The following SLC3A1 variants were observed in gnomAD, a reference collection of about 807,000 sequenced individuals.
The protein encoded by SLC3A1 is solute carrier family 3 member 1.
A neutral mutation model predicts 60.3 loss-of-function variants in SLC3A1; 78 were observed. The ratio of observed to expected loss-of-function variants is 1.29; its 90% CI spans 1.08 to 1.56. SLC3A1 has a LOEUF of 1.56. Among genes scored for constraint, SLC3A1 ranks in the 40% most tolerant of loss-of-function variants. The pLI is 0.00. For synonymous variants in SLC3A1, 392 were observed against 307.9 expected (o/e 1.27, Z -2.86); for missense variants, 1,172 against 858.9 (o/e 1.36, Z -4.56).
intron 1 of SLC3A1, 119 bp downstream of exon 1, chr2:44,276,084 T>A: frequency 2.3e-6 from 2 of 865,894 alleles, no homozygotes; most frequent in East Asian, 5.0e-5. Flanking sequence ...TTATGACTGG[T>A]CATGCCAAGT....
Position 44,287,234 on chromosome 2 carries a change from C to T in SLC3A1, c.891+1077C>T, listed in dbSNP as rs554107814. On this transcript the variant is annotated intron_variant, in intron 4 of 9. Transcript: ENST00000260649. ...GGTGAATGCCAAGGGGAAGGGGCAT[C>T]GGAGTGTCAGGTAGAAGTGGCTCTT... 3.2e-4 allele frequency among the ~76,000 whole-genome samples: 48 copies of T among 152,048 alleles called. No homozygotes were observed. In the Middle Eastern group the frequency reaches 0.01, roughly 32 times the overall value.
At chr2:44,297,146 T>A (rs1387315887) in intron 4 of SLC3A1, among the ~76,000 whole-genome samples, 2 of 152,192 alleles carry the variant, frequency 1.3e-5, no homozygotes, top group African/African-American at 4.8e-5. Flanking sequence ...AATTGGCTGT[T>A]TAGTACTTTA....
chr2:44,277,037 C>A (rs58033322), intron 1 of SLC3A1, among the ~76,000 whole-genome samples: 1,960 of 151,852 alleles, frequency 0.013, 15 homozygotes, highest in Middle Eastern at 0.035. Flanking sequence ...ATTCTTGAAA[C>A]CTGCAGCTTT....
At chr2:44,309,449 A>G (rs1332051982) in intron 7 of SLC3A1, among the ~76,000 whole-genome samples, 4 of 152,152 alleles carry the variant, frequency 2.6e-5, no homozygotes, top group African/African-American at 4.8e-5. Context: ...CACGTTATCT[A>G]TTCATCTGTT....
At chr2:44,311,908 G>C (rs1672308247) in intron 7 of SLC3A1, among the ~76,000 whole-genome samples, 1 of 152,100 alleles carries the variant, frequency 6.6e-6, no homozygotes, top group South Asian at 2.1e-4. Flanking sequence ...GTGAAGGAGG[G>C]AAATATAGGT....
At chr2:44,319,559 A>G (rs1338544554) in intron 9 of SLC3A1, 1 of 152,484 alleles carries the variant, frequency 6.6e-6, no homozygotes, top group Non-Finnish European at 1.5e-5. Flanking sequence ...GTACATCATC[A>G]AATTATGTTT....
intron 3 of SLC3A1, among the ~76,000 whole-genome samples, chr2:44,283,774 T>A (rs896485569): frequency 1.3e-5 from 2 of 152,192 alleles, no homozygotes; most frequent in African/African-American, 4.8e-5. Context: ...ATATCATATA[T>A]ATAACCATAT....
At chr2:44,304,389 G>A (rs375995538) in intron 7 of SLC3A1, 51 bp downstream of exon 7, 25 of 1,400,864 alleles carry the variant, frequency 1.8e-5, no homozygotes, top group Non-Finnish European at 2.5e-5. Flanking sequence ...TGCCTTTGCT[G>A]TCCAGTTATC....
intron 7 of SLC3A1, among the ~76,000 whole-genome samples, chr2:44,311,734 A>C (rs887790477): frequency 6.6e-6 from 1 of 151,566 alleles, no homozygotes; most frequent in Non-Finnish European, 1.5e-5. Flanking sequence ...AAAAAAAAAA[A>C]AACCCAACCT....
At chr2:44,283,912 A>G (rs1671553274) in intron 3 of SLC3A1, among the ~76,000 whole-genome samples, 1 of 151,140 alleles carries the variant, frequency 6.6e-6, no homozygotes, top group African/African-American at 2.5e-5. Flanking sequence ...AACTTCAGGT[A>G]GCTATGGTTC....
At chr2:44,307,702 T>A (rs1672192359) in intron 7 of SLC3A1, among the ~76,000 whole-genome samples, 2 of 152,164 alleles carry the variant, frequency 1.3e-5, no homozygotes. Flanking sequence ...TGGTTGTCTT[T>A]TTATTGTTTA....
chr2:44,317,598 G>A (rs1672530469), intron 9 of SLC3A1: 1 of 152,352 alleles, frequency 6.6e-6, no homozygotes, highest in African/African-American at 2.4e-5. Context: ...TAGACATTGA[G>A]AAACATTATT....
At chr2:44,318,089 A>C (rs1380956293) in intron 9 of SLC3A1, 1 of 409,760 alleles carries the variant, frequency 2.4e-6, no homozygotes, top group African/African-American at 3.1e-5. Context: ...AAAGGATCTC[A>C]ACACTGTTTT....
At chr2:44,315,214 A>T (rs1572817623) in intron 9 of SLC3A1, 1 of 152,192 alleles carries the variant, frequency 6.6e-6, no homozygotes, top group South Asian at 2.1e-4. Flanking sequence ...AAGTGTTGGG[A>T]TTACAGGCGT....
intron 4 of SLC3A1, among the ~76,000 whole-genome samples, chr2:44,294,908 T>G (rs1671815957): frequency 6.6e-6 from 1 of 152,048 alleles, no homozygotes; most frequent in African/African-American, 2.4e-5. Context: ...TTTTTTTGGT[T>G]TGTTTTTGTT....
intron 4 of SLC3A1, among the ~76,000 whole-genome samples, chr2:44,294,785 T>C (rs1490503551): frequency 6.6e-6 from 1 of 152,218 alleles, no homozygotes; most frequent in African/African-American, 2.4e-5. Context: ...TTCTTTCTCT[T>C]GCCTCTAAGT....
At chr2:44,293,587 G>A (rs1477505367) in intron 4 of SLC3A1, among the ~76,000 whole-genome samples, 1 of 152,028 alleles carries the variant, frequency 6.6e-6, no homozygotes, top group East Asian at 1.9e-4. Flanking sequence ...AAAACTTTGG[G>A]ACTTGTTGAT....
At chr2:44,297,249 G>A (rs1671874610) in intron 4 of SLC3A1, among the ~76,000 whole-genome samples, 1 of 152,166 alleles carries the variant, frequency 6.6e-6, no homozygotes, top group African/African-American at 2.4e-5. Context: ...CTGTTCCTTT[G>A]CAGAGCTTGT....
At chr2:44,311,108 T>A (rs1440368636) in intron 7 of SLC3A1, among the ~76,000 whole-genome samples, 1 of 152,186 alleles carries the variant, frequency 6.6e-6, no homozygotes, top group African/African-American at 2.4e-5. Flanking sequence ...TTCTTCTTTT[T>A]CTTTCTGGTT....
Sources: gnomAD v4.1 joint callset for allele counts (sites outside exome capture counted in the v4.1 genomes callset) on GRCh38, gnomAD v4.1.1 for gene constraint, MANE v1.5 for transcripts, NCBI Gene and HGNC (gene_info 2026-07-23, HGNC 2026-07-21) for gene names.